The following IL1RAPL2 variants were observed in gnomAD, a reference collection of about 807,000 sequenced individuals.
IL1RAPL2 encodes the protein X-linked interleukin-1 receptor accessory protein-like 2.
In IL1RAPL2, 3 loss-of-function variants were observed where a neutral mutation model predicts 44.1. The observed-to-expected ratio is 0.07, with a 90% CI of 0.03 to 0.18. The LOEUF (loss-of-function observed/expected upper bound fraction) is 0.18, where lower values mean the gene tolerates loss of function less well. Ranked by LOEUF, IL1RAPL2 falls within the 10% of genes least tolerant of loss-of-function variation. IL1RAPL2 has a pLI of 1.00. For synonymous variants in IL1RAPL2, 181 were observed against 178.8 expected (o/e 1.01, Z -0.10); for missense variants, 391 against 496.4 (o/e 0.79, Z 2.02).
intron 6 of IL1RAPL2, among the ~76,000 whole-genome samples, chrX:105,705,000 C>T (rs1281994206): frequency 9.0e-6 from 1 of 111,361 alleles, no homozygotes; most frequent in Non-Finnish European, 1.9e-5. Flanking sequence ...GCTGTATCTT[C>T]AGGTGATTAG....
chrX:104,805,956 T>G (rs1452708796), intron 2 of IL1RAPL2, among the ~76,000 whole-genome samples: 3 of 111,789 alleles, frequency 2.7e-5, no homozygotes, highest in African/African-American at 6.5e-5. Context: ...CTAGTCATTC[T>G]CAACCCTGGC....
rs759433388 is a variant in IL1RAPL2, at chrX:105,710,525, C to T, written c.773-6842C>T. Among the ~76,000 whole-genome samples, 73 of 109,850 alleles carry T rather than the reference C, an allele frequency of 6.6e-4. 1 individual carries two copies. Among genetic ancestry groups the T allele is most frequent in the South Asian group, 7.8e-4 (2 of 2,575 alleles). On this transcript the variant is annotated intron_variant, in intron 6 of 10. Transcript: ENST00000372582. ...TATCTCAACTATAATTTAGAATTTACCTCTGTGACTGTTTCATTTAATTTA... is the reference window on the plus strand; with the variant it reads ...TATCTCAACTATAATTTAGAATTTATCTCTGTGACTGTTTCATTTAATTTA...
intron 5 of IL1RAPL2, among the ~76,000 whole-genome samples, chrX:105,362,425 T>G (rs1252672580): frequency 9.0e-6 from 1 of 111,429 alleles, no homozygotes; most frequent in African/African-American, 3.3e-5. Context: ...AATTTTAAGA[T>G]ATATTTTACA....
chrX:105,343,162 A>G (rs1336558470), intron 5 of IL1RAPL2, among the ~76,000 whole-genome samples: 1 of 112,037 alleles, frequency 8.9e-6, no homozygotes, highest in Non-Finnish European at 1.9e-5. Context: ...AAATCATTAG[A>G]CACAGCTAGT....
intron 1 of IL1RAPL2, among the ~76,000 whole-genome samples, chrX:104,632,293 TC>T (rs969695182): frequency 2.7e-5 from 3 of 111,618 alleles, no homozygotes; most frequent in African/African-American, 9.8e-5. Context: ...CCAGCTTTGT[TC>T]TTTTGGCTTA....
chrX:105,297,939 C>T (rs2034666028), intron 5 of IL1RAPL2, among the ~76,000 whole-genome samples: 1 of 110,737 alleles, frequency 9.0e-6, no homozygotes, highest in African/African-American at 3.3e-5. Flanking sequence ...GTGTGTGTTT[C>T]TAAATAGATT....
At chrX:104,668,482 C>A (rs1397271486) in intron 2 of IL1RAPL2, among the ~76,000 whole-genome samples, 1 of 81,739 alleles carries the variant, frequency 1.2e-5, no homozygotes, top group East Asian at 4.7e-4. Context: ...CCCCCTCCCC[C>A]CACCGCACAA....
intron 6 of IL1RAPL2, among the ~76,000 whole-genome samples, chrX:105,551,176 CT>C (rs1384490981): frequency 3.7e-5 from 4 of 108,848 alleles, no homozygotes; most frequent in Non-Finnish European, 7.6e-5. Flanking sequence ...GAGAAATTGC[CT>C]GAAGGAAGAT....
intron 2 of IL1RAPL2, among the ~76,000 whole-genome samples, chrX:104,708,148 T>G (rs1931392705): frequency 8.9e-6 from 1 of 111,957 alleles, no homozygotes; most frequent in Non-Finnish European, 1.9e-5. Flanking sequence ...AGTTACAGCT[T>G]CTTTCAATTT....
intron 6 of IL1RAPL2, among the ~76,000 whole-genome samples, chrX:105,535,235 C>T (rs1041036890): frequency 8.9e-6 from 1 of 111,872 alleles, no homozygotes; most frequent in Non-Finnish European, 1.9e-5. Flanking sequence ...GGGAAATGCA[C>T]ATTAAAGTGA....
intron 6 of IL1RAPL2, among the ~76,000 whole-genome samples, chrX:105,553,218 G>T (rs761795109): frequency 9.0e-6 from 1 of 111,640 alleles, no homozygotes; most frequent in South Asian, 3.7e-4. Context: ...AGAAAAACAT[G>T]GCCCAAAGGA....
intron 2 of IL1RAPL2, among the ~76,000 whole-genome samples, chrX:104,790,235 A>G (rs901351588): frequency 8.9e-6 from 1 of 112,210 alleles, no homozygotes; most frequent in African/African-American, 3.2e-5. Context: ...GCCAGGGAGC[A>G]GTTTGGGTGA....
chrX:105,051,234 G>T (rs778481950), intron 2 of IL1RAPL2, among the ~76,000 whole-genome samples: 2 of 82,944 alleles, frequency 2.4e-5, no homozygotes, highest in African/African-American at 4.6e-5. Flanking sequence ...CAGAGCAGGC[G>T]CCAGGAGAAG....
chrX:104,960,150 T>C (rs892951768), intron 2 of IL1RAPL2, among the ~76,000 whole-genome samples: 5 of 112,264 alleles, frequency 4.5e-5, no homozygotes, highest in African/African-American at 1.6e-4. Flanking sequence ...GATGGCTTCA[T>C]TATTAATGTA....
At chrX:105,142,532 G>A (rs2033134381) in intron 2 of IL1RAPL2, among the ~76,000 whole-genome samples, 1 of 111,085 alleles carries the variant, frequency 9.0e-6, no homozygotes, top group Non-Finnish European at 1.9e-5. Context: ...TGCGGTGGGA[G>A]GGGTGGAGAA....
chrX:105,359,993 T>A (rs1177723201), intron 5 of IL1RAPL2, among the ~76,000 whole-genome samples: 4 of 111,441 alleles, frequency 3.6e-5, no homozygotes, highest in African/African-American at 6.5e-5. Flanking sequence ...CAGGTCTCTC[T>A]GACTCCTAAA....
At position 105,277,363 on chromosome X, in the gene IL1RAPL2, C is replaced by T. The variant is rs189644880; in HGVS notation, c.697+9822C>T. Among the ~76,000 whole-genome samples the T allele has an allele frequency of 7.1e-5, 8 of 112,284 alleles. No homozygotes were observed. In the East Asian group the frequency reaches 2.3e-3, roughly 32 times the overall value. On this transcript the variant is annotated intron_variant, in intron 5 of 10. Transcript: ENST00000372582. Reference sequence around the variant, plus strand: ...TAATTGACTGTTCTTTTGCACAGTGCAGAAATCTCATGACCAGCTTGCAGC... The same window carrying T: ...TAATTGACTGTTCTTTTGCACAGTGTAGAAATCTCATGACCAGCTTGCAGC...
intron 2 of IL1RAPL2, among the ~76,000 whole-genome samples, chrX:104,905,745 C>T (rs1310076190): frequency 9.0e-6 from 1 of 111,154 alleles, no homozygotes; most frequent in Non-Finnish European, 1.9e-5. Flanking sequence ...TGTGATGCCT[C>T]CAGCTTTGTT....
At chrX:105,052,406 G>A (rs948311068) in intron 2 of IL1RAPL2, among the ~76,000 whole-genome samples, 2 of 111,871 alleles carry the variant, frequency 1.8e-5, no homozygotes, top group Non-Finnish European at 3.8e-5. Flanking sequence ...CATGTGTTCA[G>A]CTAAAAATTT....
Sources: allele counts gnomAD v4.1 joint callset (sites outside exome capture counted in the v4.1 genomes callset), GRCh38; gene constraint gnomAD v4.1.1; transcripts MANE v1.5; gene names NCBI Gene and HGNC (gene_info 2026-07-23, HGNC 2026-07-21).